Variants in LRMDA observed in about 807,000 individuals in gnomAD.
The protein encoded by LRMDA is leucine-rich melanocyte differentiation-associated protein.
In LRMDA, 18 loss-of-function variants were observed where a neutral mutation model predicts 29.8. That is an observed-to-expected ratio of 0.60 (90% CI 0.42 to 0.90). The LOEUF (loss-of-function observed/expected upper bound fraction) is 0.90, where lower values mean the gene tolerates loss of function less well. Among genes scored for constraint, LRMDA ranks in the 40% least tolerant of loss-of-function variants. LRMDA has a pLI of 0.00. For synonymous variants in LRMDA, 125 were observed against 109.4 expected (o/e 1.14, Z -0.89); for missense variants, 273 against 273.9 (o/e 1.00, Z 0.02).
chr10:75,920,003 A>AAATCAACAT (rs1327894141), intron 2 of LRMDA, among the ~76,000 whole-genome samples: 57 of 151,920 alleles, frequency 3.8e-4, no homozygotes, highest in South Asian at 3.1e-3. Flanking sequence ...ATCAACATCA[A>AAATCAACAT]CTTGACTAAA....
chr10:75,890,430 A>G (rs1342960086), intron 2 of LRMDA, among the ~76,000 whole-genome samples: 1 of 152,244 alleles, frequency 6.6e-6, no homozygotes, highest in East Asian at 1.9e-4. Flanking sequence ...GAGTAGTGTC[A>G]GGATGTAATC....
At chr10:75,524,216 A>T (rs1238640857) in intron 2 of LRMDA, among the ~76,000 whole-genome samples, 1 of 152,172 alleles carries the variant, frequency 6.6e-6, no homozygotes, top group East Asian at 1.9e-4. Flanking sequence ...ATTTTGGAAG[A>T]GGTTGGTTGG....
At position 76,175,295 on chromosome 10, in the gene LRMDA, C is replaced by T. The variant is rs183269504; in HGVS notation, c.516+116512C>T. Among the ~76,000 whole-genome samples the T allele has an allele frequency of 3.3e-5, 5 of 152,238 alleles. No individual in the cohort carries two copies. In the East Asian group the frequency reaches 9.7e-4, roughly 29 times the overall value. ...AGGATAGCTTGGATTCGAACACCAG[C>T]TCTGTTACATTTCTGTTTGTGAGAC... On this transcript the variant is annotated intron_variant, in intron 5 of 6. Coordinates refer to ENST00000611255, the MANE Select transcript of LRMDA (RefSeq NM_001305581.2).
rs568205775 is a variant in LRMDA at position 75,832,562 on chromosome 10, G to A, written c.132-203446G>A. Among the ~76,000 whole-genome samples the A allele has an allele frequency of 5.7e-3, 862 of 152,190 alleles. 6 individuals carry two copies. Among genetic ancestry groups the A allele is most frequent in the African/African-American group, 0.02 (815 of 41,516 alleles). On this transcript the variant is annotated intron_variant, in intron 2 of 6. Coordinates refer to ENST00000611255, the MANE Select transcript of LRMDA (RefSeq NM_001305581.2). ...CTGCCTGTTACCCAGTTCCAAAGTC[G>A]CTTCCACATTTTCAGGTATCTTTTC... is the stretch of plus-strand genomic sequence containing the variant.
intron 2 of LRMDA, among the ~76,000 whole-genome samples, chr10:75,848,206 A>C (rs1243629925): frequency 1.3e-5 from 2 of 152,206 alleles, no homozygotes; most frequent in African/African-American, 4.8e-5. Context: ...TGTGGTATGA[A>C]ATGTTATGCA....
intron 2 of LRMDA, among the ~76,000 whole-genome samples, chr10:75,637,836 A>AGCC (rs1402922678): frequency 1.3e-5 from 2 of 152,196 alleles, no homozygotes; most frequent in Non-Finnish European, 2.9e-5. Context: ...CTGGACTGTC[A>AGCC]GCCCGGCTGG....
At chr10:75,819,506 T>C (rs1049097840) in intron 2 of LRMDA, among the ~76,000 whole-genome samples, 3 of 152,204 alleles carry the variant, frequency 2.0e-5, no homozygotes, top group African/African-American at 7.2e-5. Context: ...TCTCCTCAGA[T>C]ACCTTTAAAA....
intron 2 of LRMDA, among the ~76,000 whole-genome samples, chr10:75,542,796 G>A (rs1038038856): frequency 1.3e-5 from 2 of 152,162 alleles, no homozygotes; most frequent in Admixed American, 1.3e-4. Flanking sequence ...CCTGACTTGA[G>A]AAATCAAAGA....
At chr10:76,354,791 C>T (rs1253045063) in intron 6 of LRMDA, among the ~76,000 whole-genome samples, 1 of 152,112 alleles carries the variant, frequency 6.6e-6, no homozygotes, top group African/African-American at 2.4e-5. Context: ...TATTTATCAC[C>T]TCCAACATTT....
chr10:75,952,875 C>T (rs1356723873), intron 2 of LRMDA, among the ~76,000 whole-genome samples: 4 of 152,092 alleles, frequency 2.6e-5, no homozygotes, highest in Non-Finnish European at 5.9e-5. Flanking sequence ...ATGCCTCAGT[C>T]TCCCAAGTAG....
At chr10:75,828,011 G>A (rs1205207671) in intron 2 of LRMDA, among the ~76,000 whole-genome samples, 1 of 152,166 alleles carries the variant, frequency 6.6e-6, no homozygotes, top group African/African-American at 2.4e-5. Context: ...AACTTTGCTT[G>A]TACATTCCTC....
intron 2 of LRMDA, among the ~76,000 whole-genome samples, chr10:75,800,197 CT>C (rs1252303868): frequency 6.6e-6 from 1 of 152,074 alleles, no homozygotes; most frequent in Non-Finnish European, 1.5e-5. Flanking sequence ...ATTTGTATGT[CT>C]TCCTGATTAT....
chr10:75,633,083 C>T (rs761705788), intron 2 of LRMDA, among the ~76,000 whole-genome samples: 4 of 152,066 alleles, frequency 2.6e-5, no homozygotes, highest in Non-Finnish European at 5.9e-5. Context: ...TCTCCCAAGG[C>T]ATTGAGAGTA....
At chr10:75,718,983 A>G (rs1842534062) in intron 2 of LRMDA, among the ~76,000 whole-genome samples, 1 of 152,234 alleles carries the variant, frequency 6.6e-6, no homozygotes, top group Admixed American at 6.5e-5. Context: ...AGCTTGTAGA[A>G]TAAAGTGAAG....
chr10:75,851,452 A>G (rs1274494697), intron 2 of LRMDA, among the ~76,000 whole-genome samples: 1 of 152,030 alleles, frequency 6.6e-6, no homozygotes, highest in East Asian at 1.9e-4. Flanking sequence ...TCAACTTGCA[A>G]TACCCCTGAT....
At chr10:76,076,212 G>A (rs1477013206) in intron 5 of LRMDA, among the ~76,000 whole-genome samples, 3 of 151,516 alleles carry the variant, frequency 2.0e-5, no homozygotes, top group Non-Finnish European at 2.9e-5. Context: ...ACGTGGTGGC[G>A]GGTGCCTGTA....
intron 5 of LRMDA, among the ~76,000 whole-genome samples, chr10:76,279,539 CTTTTTTTTTTT>C (rs759651873): frequency 2.1e-5 from 2 of 93,810 alleles, no homozygotes; most frequent in African/African-American, 4.0e-5. Flanking sequence ...ACAAATGCTT[CTTTTTTTTTTT>C]TTTTTTTTTT....
intron 2 of LRMDA, among the ~76,000 whole-genome samples, chr10:75,746,289 A>G (rs1842889624): frequency 6.6e-6 from 1 of 152,260 alleles, no homozygotes; most frequent in Admixed American, 6.5e-5. Context: ...AACTGAAACA[A>G]TACAATTCCA....
chr10:75,717,477 C>T (rs371758171), intron 2 of LRMDA, among the ~76,000 whole-genome samples: 60 of 152,354 alleles, frequency 3.9e-4, no homozygotes, highest in Middle Eastern at 6.8e-3. Context: ...TGCCACGCTG[C>T]AGAGGCCACC....
Sources: gnomAD v4.1 joint callset for allele counts (sites outside exome capture counted in the v4.1 genomes callset) on GRCh38, gnomAD v4.1.1 for gene constraint, MANE v1.5 for transcripts, NCBI Gene and HGNC (gene_info 2026-07-23, HGNC 2026-07-21) for gene names.